Variants in KRT80 observed in about 807,000 individuals in gnomAD.
KRT80 encodes the protein keratin 80, also known as keratin, type II cytoskeletal 80.
Under a neutral mutation model 51.5 loss-of-function variants are expected in KRT80, and 36 were observed. The ratio of observed to expected loss-of-function variants is 0.70; its 90% confidence interval spans 0.54 to 0.92. The LOEUF (loss-of-function observed/expected upper bound fraction) is 0.92. KRT80 is among the 40% of genes least tolerant of loss of function. The pLI, the probability that KRT80 is intolerant of heterozygous loss-of-function variation, is 0.00. For synonymous variants in KRT80, 235 were observed against 248.3 expected (o/e 0.95, Z 0.50); for missense variants, 566 against 591.7 (o/e 0.96, Z 0.45).
chr12:52,173,264 A>G (rs1941150756), intron 5 of KRT80, 101 bp from the exon 6 acceptor site: 1 of 1,355,468 alleles, frequency 7.4e-7, no homozygotes, highest in Non-Finnish European at 9.6e-7. Flanking sequence ...CCCATCTCCA[A>G]CTCTGCAGCC....
intron 1 of KRT80, among the ~76,000 whole-genome samples, chr12:52,187,767 C>T (rs913066742): frequency 7.2e-5 from 11 of 152,168 alleles, no homozygotes; most frequent in Non-Finnish European, 1.3e-4. Context: ...TGAGAGGGAG[C>T]GTTGGGGGGG....
intron 1 of KRT80, among the ~76,000 whole-genome samples, chr12:52,188,836 C>A (rs1236092469): frequency 6.6e-6 from 1 of 152,232 alleles, no homozygotes; most frequent in African/African-American, 2.4e-5. Flanking sequence ...GCCCAGCCAG[C>A]AGCCTCTGCT....
At chr12:52,175,460 T>C (rs1774041433) in intron 4 of KRT80, among the ~76,000 whole-genome samples, 1 of 152,032 alleles carries the variant, frequency 6.6e-6, no homozygotes, top group Non-Finnish European at 1.5e-5. Context: ...CCTCTGTCTC[T>C]CTTTCTGCTT....
intron 4 of KRT80, among the ~76,000 whole-genome samples, chr12:52,174,256 C>T (rs557086990): frequency 2.0e-5 from 3 of 152,310 alleles, no homozygotes; most frequent in African/African-American, 7.2e-5. Context: ...TGAGCCCCCA[C>T]GTCTGGGAAA....
intron 4 of KRT80, among the ~76,000 whole-genome samples, chr12:52,178,800 C>T (rs1945269856): frequency 6.6e-6 from 1 of 152,068 alleles, no homozygotes; most frequent in African/African-American, 2.4e-5. Context: ...GGTCCTGTTA[C>T]TCTCTCCATG....
chr12:52,174,596 C>T (rs1028938289), intron 4 of KRT80, among the ~76,000 whole-genome samples: 2 of 152,286 alleles, frequency 1.3e-5, no homozygotes, highest in Non-Finnish European at 2.9e-5. Context: ...GCGTTTTCCA[C>T]ACATCCTCAC....
chr12:52,179,383 G>C (rs1941285769), intron 4 of KRT80, among the ~76,000 whole-genome samples: 1 of 152,244 alleles, frequency 6.6e-6, no homozygotes. Context: ...GCTGTGGGGG[G>C]ATTTGTTAGG....
chr12:52,174,010 G>A (rs1941172134), intron 4 of KRT80, among the ~76,000 whole-genome samples: 1 of 152,208 alleles, frequency 6.6e-6, no homozygotes, highest in South Asian at 2.1e-4. Context: ...GGGCAGGCTG[G>A]GACTGTTGGT....
At chr12:52,171,818 TG>T in intron 7 of KRT80, 105 bp from the exon 8 acceptor site, 1 of 785,496 alleles carries the variant, frequency 1.3e-6, no homozygotes, top group Non-Finnish European at 2.1e-6. Context: ...TAGTTCTTGG[TG>T]GTCACTCCCA....
At chr12:52,175,617 A>C (rs1941205411) in intron 4 of KRT80, among the ~76,000 whole-genome samples, 1 of 152,070 alleles carries the variant, frequency 6.6e-6, no homozygotes, top group South Asian at 2.1e-4. Context: ...CCTGGTGACA[A>C]GGATGGTGCG....
At chr12:52,177,794 C>T (rs1246235290) in intron 4 of KRT80, among the ~76,000 whole-genome samples, 6 of 152,200 alleles carry the variant, frequency 3.9e-5, no homozygotes, top group African/African-American at 9.6e-5. Flanking sequence ...TCAGGGCCTC[C>T]TGGGCCACTC....
intron 3 of KRT80, 121 bp downstream of exon 3, chr12:52,180,782 G>C (rs1180778163): frequency 1.3e-6 from 2 of 1,589,002 alleles, no homozygotes; most frequent in African/African-American, 1.3e-5. Flanking sequence ...TCTGTCTGTT[G>C]GTCCTGGGAC....
intron 7 of KRT80, 96 bp downstream of exon 7, chr12:52,172,102 A>G (rs1941116477): frequency 7.4e-7 from 1 of 1,359,466 alleles, no homozygotes; most frequent in Non-Finnish European, 1.0e-6. Flanking sequence ...TGGTAGGCTC[A>G]CTGTATCATA....
chr12:52,172,339 G>T lies in KRT80; in HGVS notation c.1037C>A (p.Ala346Asp), dbSNP rs749016538. The T allele has an allele frequency of 1.9e-6, 3 of 1,614,040 alleles. No individual in the cohort carries two copies. The highest frequency in any genetic ancestry group is 2.5e-6 in the Non-Finnish European group (3 of 1,180,000). Residue 346 changes from alanine (A) to aspartate (D), a missense_variant, in exon 7 of 9, where the codon GCC (alanine) becomes GAC (aspartate). Transcript: ENST00000394815. ...CTGCTGCAGGGCGGCCTCCAGCTGG[G>T]CCAGCTTGGTCTTGGCATCCTGGAA... ...LAFQDAKTKL[A>D]QLEAALQQAK... is the part of the protein sequence containing the mutation.
chr12:52,183,005 G>T (rs1941348695), intron 2 of KRT80, among the ~76,000 whole-genome samples: 1 of 152,296 alleles, frequency 6.6e-6, no homozygotes, highest in Non-Finnish European at 1.5e-5. Flanking sequence ...ACCCTGCATG[G>T]CCTGATGCTT....
chr12:52,182,807 G>A (rs1196853039), intron 2 of KRT80, among the ~76,000 whole-genome samples: 3 of 152,176 alleles, frequency 2.0e-5, no homozygotes, highest in Admixed American at 2.0e-4. Context: ...GGACCTCTAG[G>A]TGTGCTTTGT....
chr12:52,180,589 A>G lies in KRT80; in HGVS notation c.590T>C (p.Leu197Pro). ...CTTGGTTTCCAGTTCAGTCCGATGA[A>G]GACACTCTGCATCCAGGTCCTGGGG... ...QLKKDLDAECLHRTELETKLK... is the reference protein window; with the variant it reads ...QLKKDLDAECPHRTELETKLK... The change falls in exon 4 of 9, where the codon CTT becomes CCT. Residue 197 changes from leucine (L) to proline (P), a missense_variant. Coordinates refer to ENST00000394815, the MANE Select transcript of KRT80 (RefSeq NM_182507.3). 1.3e-6 allele frequency: 2 copies of G among 1,506,358 alleles called. No individual in the cohort carries two copies. Among genetic ancestry groups the G allele is most frequent in the South Asian group, 1.4e-5 (1 of 72,852 alleles). 93.3% of individuals were successfully genotyped at this position (1,506,358 alleles called of 1,614,324 possible).
intron 4 of KRT80, among the ~76,000 whole-genome samples, chr12:52,174,826 C>T (rs552275862): frequency 1.6e-4 from 24 of 152,302 alleles, no homozygotes; most frequent in Middle Eastern, 3.4e-3. Flanking sequence ...AGCCAGAATG[C>T]TCAGGGGTGT....
At chr12:52,173,535 C>T in intron 5 of KRT80, 65 bp downstream of exon 5, 2 of 1,550,222 alleles carry the variant, frequency 1.3e-6, no homozygotes, top group South Asian at 1.2e-5. Flanking sequence ...ATCACCAGTC[C>T]AGCCCTTCCT....
Sources: gnomAD v4.1 joint callset for allele counts (sites outside exome capture counted in the v4.1 genomes callset) on GRCh38, gnomAD v4.1.1 for gene constraint, MANE v1.5 for transcripts, NCBI Gene and HGNC (gene_info 2026-07-23, HGNC 2026-07-21) for gene names.